The following ARPC1A variants were observed in gnomAD, a reference collection of about 807,000 sequenced individuals.
ARPC1A encodes actin related protein 2/3 complex subunit 1A.
In ARPC1A, 8 loss-of-function variants were observed where a neutral mutation model predicts 46.9. The ratio of observed to expected loss-of-function variants is 0.17; its 90% CI spans 0.10 to 0.31. The LOEUF (loss-of-function observed/expected upper bound fraction) is 0.31. Ranked by LOEUF, ARPC1A falls within the 10% of genes least tolerant of loss-of-function variation. ARPC1A has a pLI of 1.00. For missense variants in ARPC1A, 286 were observed against 483.6 expected (o/e 0.59, Z 3.83); for synonymous variants, 152 against 169.0 (o/e 0.90, Z 0.78).
At chr7:99,339,817 T>A (rs564156639) in intron 3 of ARPC1A, 1 of 314,744 alleles carries the variant, frequency 3.2e-6, no homozygotes, top group South Asian at 2.5e-5. Context: ...TCTGTACGTA[T>A]GTGTGAATGT....
rs1331532033 is a variant in ARPC1A at position 99,348,799 on chromosome 7, A to C, written c.393-53A>C. The C allele has an allele frequency of 1.3e-5, 19 of 1,467,468 alleles. No homozygotes were observed. In the Admixed American group the frequency reaches 3.4e-4, roughly 26 times the overall value. 90.9% of individuals were successfully genotyped at this position (1,467,468 alleles called of 1,614,324 possible). ...TTCACCTGACATACATTTGTAGGTCATTTGGGGATGCTGGTTGAGTGGATA... is the reference window on the plus strand; with the variant it reads ...TTCACCTGACATACATTTGTAGGTCCTTTGGGGATGCTGGTTGAGTGGATA... On this transcript the variant is annotated intron_variant, in intron 4 of 9. Coordinates refer to ENST00000262942, the MANE Select transcript of ARPC1A (RefSeq NM_006409.4).
chr7:99,353,787 A>ATT, intron 5 of ARPC1A, 122 bp from the exon 6 acceptor site: 38 of 925,610 alleles, frequency 4.1e-5, no homozygotes, highest in Middle Eastern at 2.3e-4. Flanking sequence ...CTCATGTTTT[A>ATT]TTTTTTTTTA....
rs1584386397 is a variant in ARPC1A at position 99,358,414 on chromosome 7, C to G, written c.788C>G (p.Ala263Gly). 6.2e-7 allele frequency: 1 copy of G among 1,613,640 alleles called. No homozygotes were observed. The highest frequency in any genetic ancestry group is 8.5e-7 in the Non-Finnish European group (1 of 1,179,830). The change falls in exon 7 of 10, where the codon GCT becomes GGT. Residue 263 changes from alanine to glycine, a missense_variant and splice_region_variant. Coordinates refer to ENST00000262942, the MANE Select transcript of ARPC1A (RefSeq NM_006409.4). ...SFVSENSVVA[A>G]GHDCCPMLFN... ...GTCTCAGAGAACAGCGTCGTGGCTG[C>G]TGTGAGTATTTTTCTTCATTCTCCC...
chr7:99,334,195 T>C (rs1793201259), intron 2 of ARPC1A, among the ~76,000 whole-genome samples: 1 of 151,328 alleles, frequency 6.6e-6, no homozygotes. Flanking sequence ...ACCCCATCTC[T>C]ACTAAAAATA....
chr7:99,348,812 G>C (rs939311985), intron 4 of ARPC1A, 40 bp from the exon 5 acceptor site: 2 of 1,549,710 alleles, frequency 1.3e-6, no homozygotes, highest in South Asian at 1.1e-5. Context: ...TGGGGATGCT[G>C]GTTGAGTGGA....
intron 3 of ARPC1A, among the ~76,000 whole-genome samples, chr7:99,341,265 C>T (rs1793352529): frequency 6.7e-6 from 1 of 150,008 alleles, no homozygotes; most frequent in Admixed American, 6.7e-5. Context: ...GCTGAGATGG[C>T]GCCACTGCAC....
At chr7:99,333,508 A>G in intron 2 of ARPC1A, 91 bp downstream of exon 2, 3 of 1,113,978 alleles carry the variant, frequency 2.7e-6, no homozygotes, top group Non-Finnish European at 4.0e-6. Context: ...TCTCAGTATC[A>G]CATGTGCAAA....
chr7:99,334,232 C>T (rs1217920896), intron 2 of ARPC1A, among the ~76,000 whole-genome samples: 2 of 151,780 alleles, frequency 1.3e-5, no homozygotes, highest in Non-Finnish European at 2.9e-5. Context: ...TGTGGTGGTA[C>T]CTGCCTGTAA....
intron 4 of ARPC1A, among the ~76,000 whole-genome samples, chr7:99,347,908 T>C (rs1405935443): frequency 2.6e-5 from 4 of 152,116 alleles, no homozygotes; most frequent in East Asian, 1.9e-4. Context: ...GCTCAATATT[T>C]AGTCTCCCAA....
At chr7:99,358,646 T>C (rs1193135021) in intron 7 of ARPC1A, 1 of 463,896 alleles carries the variant, frequency 2.2e-6, no homozygotes, top group South Asian at 2.4e-5. Context: ...GTTCAAGCGA[T>C]TCTCCCGCCT....
chr7:99,339,949 C>T (rs951992233), intron 3 of ARPC1A: 2 of 455,650 alleles, frequency 4.4e-6, no homozygotes, highest in Non-Finnish European at 4.4e-6. Flanking sequence ...TTTCCCACAC[C>T]CCGCCACATA....
rs759358554 is a variant in ARPC1A, at chr7:99,338,207, G to A, written c.91G>A (p.Glu31Lys). ...TQIALSPNNH[E>K]VHIYKKNGSQ... ...GATTGCCCTCAGTCCCAATAATCAC[G>A]AAGTGCACATCTATAAGAAGAACGG... The change falls in exon 3 of 10, where the codon GAA becomes AAA. Residue 31 changes from glutamate (E) to lysine (K), a missense_variant. By Grantham distance (56) the Glu-to-Lys change is moderately conservative. Coordinates refer to ENST00000262942, the MANE Select transcript of ARPC1A (RefSeq NM_006409.4). The A allele has an allele frequency of 9.9e-6, 16 of 1,612,830 alleles. No individual in the cohort carries two copies. Among genetic ancestry groups the A allele is most frequent in the South Asian group, 1.1e-5 (1 of 90,982 alleles).
At chr7:99,350,321 AT>A (rs1282351459) in intron 5 of ARPC1A, among the ~76,000 whole-genome samples, 6 of 152,112 alleles carry the variant, frequency 3.9e-5, no homozygotes, top group Non-Finnish European at 8.8e-5. Flanking sequence ...CTCATTTCAT[AT>A]TCCAGGCAGC....
At chr7:99,355,414 AC>A (rs902500766) in intron 6 of ARPC1A, among the ~76,000 whole-genome samples, 11 of 151,654 alleles carry the variant, frequency 7.3e-5, no homozygotes, top group Admixed American at 2.0e-4. Context: ...CCTTTCAAGA[AC>A]CCTCCTGGTT....
chr7:99,366,106 ATTTT>A lies in ARPC1A; in HGVS notation c.*181_*184del, dbSNP rs1446675553. On this transcript the variant is annotated 3_prime_UTR_variant, in exon 10 of 10. Coordinates refer to ENST00000262942, the MANE Select transcript of ARPC1A (RefSeq NM_006409.4). Reference sequence around the variant, plus strand: ...AAGTGTTGGTTTTTTTAAGGCAGTAATTTTTTTGTTTGTTTTTTTGCGATTTCAT... The same window carrying A: ...AAGTGTTGGTTTTTTTAAGGCAGTAATTTGTTTGTTTTTTTGCGATTTCAT... 2 of 738,412 alleles carry A rather than the reference ATTTT, an allele frequency of 2.7e-6. No homozygotes were observed. The highest frequency in any genetic ancestry group is 4.2e-6 in the Non-Finnish European group (2 of 471,114). The allele number at this position is 738,412 out of a possible 1,614,324, so 45.7% of individuals were successfully genotyped here.
intron 8 of ARPC1A, among the ~76,000 whole-genome samples, chr7:99,362,826 T>C (rs1793768432): frequency 6.6e-6 from 1 of 152,144 alleles, no homozygotes; most frequent in Admixed American, 6.6e-5. Flanking sequence ...ATAATTAGGC[T>C]AAGACAAGTT....
At chr7:99,337,023 C>T (rs1406860327) in intron 2 of ARPC1A, among the ~76,000 whole-genome samples, 3 of 151,908 alleles carry the variant, frequency 2.0e-5, no homozygotes, top group Non-Finnish European at 2.9e-5. Context: ...AAAAAAGATA[C>T]ATGAATACAG....
chr7:99,341,703 C>T (rs1384572562), intron 3 of ARPC1A, among the ~76,000 whole-genome samples: 1 of 151,504 alleles, frequency 6.6e-6, no homozygotes, highest in Non-Finnish European at 1.5e-5. Context: ...CCAAAGAAAT[C>T]GCCAAAAATG....
chr7:99,348,709 T>A (rs1793502989), intron 4 of ARPC1A, 143 bp from the exon 5 acceptor site: 1 of 499,580 alleles, frequency 2.0e-6, no homozygotes, highest in Non-Finnish European at 3.5e-6. Context: ...CTGAAAAAAA[T>A]AATATTCTGA....
Sources: allele counts gnomAD v4.1 joint callset (sites outside exome capture counted in the v4.1 genomes callset), GRCh38; gene constraint gnomAD v4.1.1; transcripts MANE v1.5; gene names NCBI Gene and HGNC (gene_info 2026-07-23, HGNC 2026-07-21).